Variants in BCL9 observed in about 807,000 individuals in gnomAD.
BCL9 encodes the protein BCL9 transcription coactivator.
In BCL9, 25 loss-of-function variants were observed where a neutral mutation model predicts 88.5. The observed-to-expected ratio is 0.28, with a 90% CI of 0.21 to 0.39. BCL9 has a LOEUF of 0.39. Ranked by LOEUF, BCL9 falls within the 10% of genes least tolerant of loss-of-function variation. BCL9 has a pLI of 1.00. For synonymous variants in BCL9, 711 were observed against 673.3 expected (o/e 1.06, Z -0.87); for missense variants, 1,817 against 1,877.8 (o/e 0.97, Z 0.60).
intron 1 of BCL9, among the ~76,000 whole-genome samples, chr1:147,568,089 T>C (rs1655691870): frequency 6.6e-6 from 1 of 152,208 alleles, no homozygotes; most frequent in Non-Finnish European, 1.5e-5. Flanking sequence ...GAAATGCTAA[T>C]GATCTCACCT....
chr1:147,604,677 C>G (rs1003153601), intron 1 of BCL9, 100 bp from the exon 2 acceptor site: 1 of 152,134 alleles, frequency 6.6e-6, no homozygotes, highest in African/African-American at 2.4e-5. Flanking sequence ...GTTTCTTCTT[C>G]CAAAGATTGC....
chr1:147,582,273 A>T (rs666106), intron 1 of BCL9, among the ~76,000 whole-genome samples: 34,251 of 152,192 alleles, frequency 0.23, 7,802 homozygotes, highest in African/African-American at 0.57. Flanking sequence ...TTATTTAACC[A>T]TTCCTATTCT....
At chr1:147,607,499 T>A (rs1657777680) in intron 3 of BCL9, among the ~76,000 whole-genome samples, 1 of 152,190 alleles carries the variant, frequency 6.6e-6, no homozygotes, top group African/African-American at 2.4e-5. Flanking sequence ...AAATTGCATA[T>A]GTAATTACAA....
intron 1 of BCL9, among the ~76,000 whole-genome samples, chr1:147,543,350 A>G (rs1427952366): frequency 6.6e-6 from 1 of 152,178 alleles, no homozygotes; most frequent in African/African-American, 2.4e-5. Flanking sequence ...CTAACTGCAA[A>G]TGTTTATCAG....
At chr1:147,556,190 C>T (rs1655100003) in intron 1 of BCL9, among the ~76,000 whole-genome samples, 1 of 152,068 alleles carries the variant, frequency 6.6e-6, no homozygotes, top group Admixed American at 6.5e-5. Flanking sequence ...TCCATCTTGG[C>T]TCACCACAAT....
At chr1:147,548,810 T>C (rs1654738504) in intron 1 of BCL9, among the ~76,000 whole-genome samples, 1 of 151,992 alleles carries the variant, frequency 6.6e-6, no homozygotes, top group South Asian at 2.1e-4. Context: ...AAAAAAAGTA[T>C]AAATACAAAA....
In BCL9 at chr1:147,585,928, A is replaced by C. The variant is rs587625759; in HGVS notation, c.-477-18849A>C. ...AGCTCAGAGCTCCTGCCACTTTGTTAGGGGATCCTCAACAAAATGGTGATA... is the reference window on the plus strand; with the variant it reads ...AGCTCAGAGCTCCTGCCACTTTGTTCGGGGATCCTCAACAAAATGGTGATA... On this transcript the variant is annotated intron_variant, in intron 1 of 9. Coordinates refer to ENST00000234739, the MANE Select transcript of BCL9 (RefSeq NM_004326.4). Among the ~76,000 whole-genome samples, 4 of 152,248 alleles carry C rather than the reference A, an allele frequency of 2.6e-5. No individual in the cohort carries two copies. The South Asian group carries it at 8.3e-4, about 32-fold the overall frequency.
intron 5 of BCL9, among the ~76,000 whole-genome samples, chr1:147,613,592 C>G (rs587633723): frequency 6.6e-6 from 1 of 152,320 alleles, no homozygotes; most frequent in South Asian, 2.1e-4. Flanking sequence ...TCTTCTCCAT[C>G]AGAGCAATCC....
intron 1 of BCL9, among the ~76,000 whole-genome samples, chr1:147,584,705 C>T (rs782641218): frequency 2.6e-4 from 39 of 152,188 alleles, no homozygotes; most frequent in Admixed American, 2.4e-3. Flanking sequence ...AGGTACTACT[C>T]CTTTGCAACT....
rs113487574 is a variant in BCL9, at chr1:147,604,513, C to T, written c.-477-264C>T. On this transcript the variant is annotated intron_variant, in intron 1 of 9. Coordinates refer to ENST00000234739, the MANE Select transcript of BCL9 (RefSeq NM_004326.4). ...AAAATGAGGCTTTTGTATCTGGTGG[C>T]TTTTGCTTTTCTAAACTCCCAGTCA... is the stretch of plus-strand genomic sequence containing the variant. Among the ~76,000 whole-genome samples, 752 of 152,212 alleles carry T rather than the reference C, an allele frequency of 4.9e-3. 6 individuals are homozygous for T. Among genetic ancestry groups the T allele is most frequent in the African/African-American group, 0.017 (687 of 41,518 alleles).
In BCL9 at chr1:147,615,922, G is replaced by A. The variant is rs1658259464; in HGVS notation, c.660+20G>A. 2 of 1,584,526 alleles carry A rather than the reference G, an allele frequency of 1.3e-6. No homozygotes were observed. The highest frequency in any genetic ancestry group is 1.7e-5 in the Admixed American group (1 of 59,856). ...CCTCTGGTATGTTGTTTCAGAAACTGAGTAATGGTTTAATGATTCTACAGT... is the reference window on the plus strand; with the variant it reads ...CCTCTGGTATGTTGTTTCAGAAACTAAGTAATGGTTTAATGATTCTACAGT... On this transcript the variant is annotated intron_variant, in intron 7 of 9. Coordinates refer to ENST00000234739, the MANE Select transcript of BCL9 (RefSeq NM_004326.4).
At chr1:147,563,056 C>T (rs1430999277) in intron 1 of BCL9, among the ~76,000 whole-genome samples, 4 of 152,140 alleles carry the variant, frequency 2.6e-5, no homozygotes, top group South Asian at 2.1e-4. Flanking sequence ...TAACCTCTGC[C>T]CAGAACACTG....
At chr1:147,566,478 AGGCGCGGT>A (rs1553196687) in intron 1 of BCL9, among the ~76,000 whole-genome samples, 1 of 152,194 alleles carries the variant, frequency 6.6e-6, no homozygotes, top group Non-Finnish European at 1.5e-5. Context: ...GGCCATGGCC[AGGCGCGGT>A]GGCTCACACC....
intron 1 of BCL9, among the ~76,000 whole-genome samples, chr1:147,561,456 T>C (rs1314064318): frequency 2.6e-5 from 4 of 152,202 alleles, no homozygotes; most frequent in African/African-American, 9.7e-5. Context: ...GGCCCTTCAA[T>C]GCCATTGTGA....
At chr1:147,562,331 A>AAAAT (rs112623935) in intron 1 of BCL9, among the ~76,000 whole-genome samples, 17 of 152,128 alleles carry the variant, frequency 1.1e-4, no homozygotes, top group South Asian at 4.2e-4. Flanking sequence ...TTCCATCTCA[A>AAAAT]AAATAAATAA....
intron 1 of BCL9, among the ~76,000 whole-genome samples, chr1:147,604,239 C>T (rs1267522354): frequency 2.0e-5 from 3 of 152,152 alleles, no homozygotes; most frequent in African/African-American, 4.8e-5. Context: ...CAAACATTTT[C>T]CCGTCCCCCA....
intron 1 of BCL9, among the ~76,000 whole-genome samples, chr1:147,591,934 T>C (rs1296645748): frequency 6.6e-6 from 1 of 152,202 alleles, no homozygotes; most frequent in Non-Finnish European, 1.5e-5. Flanking sequence ...AACTGGACTG[T>C]AAGGTTCTGG....
chr1:147,581,465 A>C (rs1455098045), intron 1 of BCL9, among the ~76,000 whole-genome samples: 1 of 152,232 alleles, frequency 6.6e-6, no homozygotes, highest in Non-Finnish European at 1.5e-5. Flanking sequence ...GAGAGAAGTC[A>C]TACTTCTTCG....
intron 4 of BCL9, 68 bp downstream of exon 4, chr1:147,611,957 A>G (rs1658028591): frequency 6.9e-7 from 1 of 1,459,758 alleles, no homozygotes; most frequent in African/African-American, 1.4e-5. Flanking sequence ...ATGAACACTC[A>G]TTGGTGAAAC....
Sources: allele counts gnomAD v4.1 joint callset (sites outside exome capture counted in the v4.1 genomes callset), GRCh38; gene constraint gnomAD v4.1.1; transcripts MANE v1.5; gene names NCBI Gene and HGNC (gene_info 2026-07-23, HGNC 2026-07-21).